The following CHRNA4 variants were observed in gnomAD, a reference collection of about 807,000 sequenced individuals.
CHRNA4 encodes cholinergic receptor nicotinic alpha 4 subunit.
In CHRNA4, 28 loss-of-function variants were observed where a neutral mutation model predicts 48.9. The ratio of observed to expected loss-of-function variants is 0.57; its 90% CI spans 0.42 to 0.79. The LOEUF (loss-of-function observed/expected upper bound fraction) is 0.79. Ranked by LOEUF, CHRNA4 falls within the 30% of genes least tolerant of loss-of-function variation. The probability of loss-of-function intolerance (pLI) is 0.00; values close to 1 mark genes in which losing one functional copy is unlikely to be tolerated. For synonymous variants in CHRNA4, 425 were observed against 402.3 expected (o/e 1.06, Z -0.68); for missense variants, 859 against 898.4 (o/e 0.96, Z 0.56).
At position 63,359,905 on chromosome 20, in the gene CHRNA4, G is replaced by GTGTGTGTGTGCGCCGGGCGTGCGC. The variant is rs1568820139; in HGVS notation, c.77-207_77-206insGCGCACGCCCGGCGCACACACACA. ...TGTGTGCCGGGCGTGTGCTGTGTGTGTGTGTGTGTGTGTGTGTGTGTGTGC... is the reference window on the plus strand; with the variant it reads ...TGTGTGCCGGGCGTGTGCTGTGTGTGTGTGTGTGTGCGCCGGGCGTGCGCTGTGTGTGTGTGTGTGTGTGTGTGC... On this transcript the variant is annotated intron_variant, in intron 1 of 5. Transcript: ENST00000370263. 12 of 341,378 alleles carry GTGTGTGTGTGCGCCGGGCGTGCGC rather than the reference G, an allele frequency of 3.5e-5. 1 individual carries two copies. The African/African-American group carries it at 3.9e-4, about 11-fold the overall frequency. 21.1% of individuals were successfully genotyped at this position (341,378 alleles called of 1,614,324 possible).
At chr20:63,354,322 T>G (rs374570293) in intron 4 of CHRNA4, among the ~76,000 whole-genome samples, 2 of 114,626 alleles carry the variant, frequency 1.7e-5, no homozygotes, top group South Asian at 3.2e-4. Context: ...GGGGAGCTGC[T>G]GTCCTAGGGG....
At chr20:63,358,871 C>A (rs2068757801) in intron 2 of CHRNA4, among the ~76,000 whole-genome samples, 1 of 152,160 alleles carries the variant, frequency 6.6e-6, no homozygotes, top group African/African-American at 2.4e-5. Flanking sequence ...GGTAGGTAAC[C>A]AAGCATCTCA....
chr20:63,356,701 G>A (rs1437670425), intron 2 of CHRNA4: 9 of 542,340 alleles, frequency 1.7e-5, no homozygotes, highest in East Asian at 6.3e-5. Context: ...CAGGTGTGGC[G>A]GGCATGGGGA....
chr20:63,359,915 G>GCGC (rs1388394242), intron 1 of CHRNA4: 5 of 438,276 alleles, frequency 1.1e-5, no homozygotes, highest in East Asian at 4.0e-5. Context: ...GTGTGTGTGT[G>GCGC]TGTGTGTGTG....
At position 63,346,593 on chromosome 20, in the gene CHRNA4, A is replaced by T; in HGVS notation, c.*145T>A. The T allele has an allele frequency of 8.4e-7, 1 of 1,183,442 alleles. No homozygotes were observed. The highest frequency in any genetic ancestry group is 1.2e-6 in the Non-Finnish European group (1 of 827,956). 73.3% of individuals were successfully genotyped at this position (1,183,442 alleles called of 1,614,324 possible). ...CCGTGTCCCCGTCCAAGGCCGTCTT[A>T]CAGCAGACACAGAACAGGAAGGAAA... is the stretch of plus-strand genomic sequence containing the variant. On this transcript the variant is annotated 3_prime_UTR_variant, in exon 6 of 6. Coordinates refer to ENST00000370263, the MANE Select transcript of CHRNA4 (RefSeq NM_000744.7).
rs778159332 is a variant in CHRNA4, at chr20:63,345,733, A to G, written c.*1005T>C. The G allele has an allele frequency of 2.2e-6, 1 of 450,040 alleles. No individual in the cohort carries two copies. The highest frequency in any genetic ancestry group is 1.6e-5 in the South Asian group (1 of 64,412). 27.9% of individuals were successfully genotyped at this position (450,040 alleles called of 1,614,324 possible). A position where few individuals can be genotyped will look rare whatever the true frequency, so the allele number is the denominator to read the frequency against. On this transcript the variant is annotated 3_prime_UTR_variant, in exon 6 of 6. Coordinates refer to ENST00000370263, the MANE Select transcript of CHRNA4 (RefSeq NM_000744.7). This position sits in a 1 kb window ranked among gnomAD's most constrained non-coding sequence, Gnocchi z 5.4. ...ATGCCCCCACCAGCTCCCCACAGCT[A>G]CTGTAGCAGGAAGTCCTTCTTCCCG...
intron 5 of CHRNA4, among the ~76,000 whole-genome samples, chr20:63,349,050 G>A (rs1024718425): frequency 6.6e-6 from 1 of 152,058 alleles, no homozygotes; most frequent in Non-Finnish European, 1.5e-5. Context: ...CTTAGCCGTG[G>A]GACCAGCGTT....
Position 63,344,503 on chromosome 20 carries a change from AAAG to A in CHRNA4, c.*2232_*2234del. Reference sequence around the variant, plus strand: ...TTTTTTTTTTGAGCCTCAAAAAAAAAAAGAAAGGGAAAGGGGTCTTCCCCCAGG... The same window carrying A: ...TTTTTTTTTTGAGCCTCAAAAAAAAAAAAGGGAAAGGGGTCTTCCCCCAGG... On this transcript the variant is annotated 3_prime_UTR_variant, in exon 6 of 6. Transcript: ENST00000370263. This position sits in a 1 kb window ranked among gnomAD's most constrained non-coding sequence, Gnocchi z 4.5. The A allele has an allele frequency of 8.8e-6, 4 of 453,150 alleles. No homozygotes were observed. Among genetic ancestry groups the A allele is most frequent in the Non-Finnish European group, 1.8e-5 (4 of 226,494 alleles). The allele number at this position is 453,150 out of a possible 1,614,324, so 28.1% of individuals were successfully genotyped here. A position where few individuals can be genotyped will look rare whatever the true frequency, so the allele number is the denominator to read the frequency against.
rs536937634 is a variant in CHRNA4 at position 63,343,721 on chromosome 20, G to T, written c.*3017C>A. On this transcript the variant is annotated 3_prime_UTR_variant, in exon 6 of 6. Transcript: ENST00000370263. ...CTTCACTGGGGCCTCCCCTGGGAAG[G>T]AGGGGGCAGGATGGCGCAAGCAGCC... 7 of 449,288 alleles carry T rather than the reference G, an allele frequency of 1.6e-5. No homozygotes were observed. Among genetic ancestry groups the T allele is most frequent in the African/African-American group, 1.0e-4 (5 of 49,998 alleles). 27.8% of individuals were successfully genotyped at this position (449,288 alleles called of 1,614,324 possible).
intron 5 of CHRNA4, 84 bp from the exon 6 acceptor site, chr20:63,346,947 C>T: frequency 6.3e-7 from 1 of 1,590,578 alleles, no homozygotes; most frequent in Non-Finnish European, 8.6e-7. Context: ...CCGCCGGCAA[C>T]AGCTTCTCCA....
rs776842924 is a variant in CHRNA4, at chr20:63,343,995, GAT to G, written c.*2741_*2742del. 1 of 454,102 alleles carries G rather than the reference GAT, an allele frequency of 2.2e-6. No homozygotes were observed. Among genetic ancestry groups the G allele is most frequent in the South Asian group, 1.6e-5 (1 of 64,480 alleles). 28.1% of individuals were successfully genotyped at this position (454,102 alleles called of 1,614,324 possible). A position where few individuals can be genotyped will look rare whatever the true frequency, so the allele number is the denominator to read the frequency against. On this transcript the variant is annotated 3_prime_UTR_variant, in exon 6 of 6. Coordinates refer to ENST00000370263, the MANE Select transcript of CHRNA4 (RefSeq NM_000744.7). ...ATGCAGAAAATAAACATGCATAACG[GAT>G]AGAGTGCCATGCACACACCGGCACC... is the stretch of plus-strand genomic sequence containing the variant.
intron 4 of CHRNA4, chr20:63,355,585 C>G (rs1374340740): frequency 1.5e-6 from 2 of 1,302,700 alleles, no homozygotes; most frequent in East Asian, 5.2e-5. Flanking sequence ...CCCAAAAGGG[C>G]TCTCCTGCAG....
intron 2 of CHRNA4, among the ~76,000 whole-genome samples, chr20:63,358,434 C>T (rs955447359): frequency 6.6e-6 from 1 of 152,252 alleles, no homozygotes; most frequent in African/African-American, 2.4e-5. Flanking sequence ...TCTCCCGCAA[C>T]CCGGTGGCTC....
In CHRNA4 at chr20:63,345,575, A is replaced by C. The variant is rs1382453738; in HGVS notation, c.*1163T>G. Reference sequence around the variant, plus strand: ...CGCCTGCAGGGGTGAGGCTGTGCTGAGCTCTGCCTGCCCTGCCAGGACGGA... The same window carrying C: ...CGCCTGCAGGGGTGAGGCTGTGCTGCGCTCTGCCTGCCCTGCCAGGACGGA... On this transcript the variant is annotated 3_prime_UTR_variant, in exon 6 of 6. Transcript: ENST00000370263. This position sits in a 1 kb window ranked among gnomAD's most constrained non-coding sequence, Gnocchi z 5.4. 2.3e-6 allele frequency: 1 copy of C among 443,754 alleles called. No homozygotes were observed. Among genetic ancestry groups the C allele is most frequent in the African/African-American group, 2.0e-5 (1 of 49,722 alleles). The allele number at this position is 443,754 out of a possible 1,614,324, so 27.5% of individuals were successfully genotyped here. A position where few individuals can be genotyped will look rare whatever the true frequency, so the allele number is the denominator to read the frequency against.
chr20:63,355,875 G>A, intron 4 of CHRNA4, 100 bp downstream of exon 4: 5 of 1,514,114 alleles, frequency 3.3e-6, no homozygotes, highest in Non-Finnish European at 4.5e-6. Flanking sequence ...GCTGGGCCAG[G>A]CTGGGCCTTG....
rs1206206495 is a variant in CHRNA4, at chr20:63,344,554, G to C, written c.*2184C>G. The C allele has an allele frequency of 6.6e-6, 3 of 452,808 alleles. No homozygotes were observed. Among genetic ancestry groups the C allele is most frequent in the Non-Finnish European group, 1.3e-5 (3 of 226,490 alleles). 28.0% of individuals were successfully genotyped at this position (452,808 alleles called of 1,614,324 possible). ...AGGCAAGCGGCCACCCCCGGCAGGA[G>C]GGTCCCCCGGCAGGAGCGTCCCAGC... On this transcript the variant is annotated 3_prime_UTR_variant, in exon 6 of 6. Coordinates refer to ENST00000370263, the MANE Select transcript of CHRNA4 (RefSeq NM_000744.7). The surrounding 1 kb of genome is among the most constrained non-coding windows in gnomAD (Gnocchi z 4.5).
chr20:63,351,568 C>T (rs1191474431), intron 4 of CHRNA4, among the ~76,000 whole-genome samples: 1 of 152,238 alleles, frequency 6.6e-6, no homozygotes, highest in African/African-American at 2.4e-5. Context: ...ATGGGAATTC[C>T]TCACCCAGCT....
chr20:63,356,722 G>A (rs2068724228), intron 2 of CHRNA4: 2 of 502,342 alleles, frequency 4.0e-6, no homozygotes, highest in Admixed American at 3.3e-5. Context: ...GCCTCCTTCT[G>A]CCCACCTGCC....
In CHRNA4 at chr20:63,349,637, C is replaced by T. The variant is rs113109615; in HGVS notation, c.1758+16G>A. 437 of 1,612,624 alleles carry T rather than the reference C, an allele frequency of 2.7e-4. 2 individuals are homozygous for T. In the African/African-American group the frequency reaches 5.0e-3, roughly 18 times the overall value. ...CTGGGTCAGAGGCGCCCAACACAGC[C>T]ATGGGCGGGACTTACCGAGAAGTCT... is the stretch of plus-strand genomic sequence containing the variant. On this transcript the variant is annotated intron_variant, in intron 5 of 5. Transcript: ENST00000370263.
Sources: allele counts gnomAD v4.1 joint callset (sites outside exome capture counted in the v4.1 genomes callset), GRCh38; gene constraint gnomAD v4.1.1; non-coding constraint Gnocchi (gnomAD v3.1); transcripts MANE v1.5; gene names NCBI Gene and HGNC (gene_info 2026-07-23, HGNC 2026-07-21).